SPATS2: variants seen among roughly 807,000 people sequenced by gnomAD.
SPATS2 encodes spermatogenesis-associated serine-rich protein 2.
A neutral mutation model predicts 63.7 loss-of-function variants in SPATS2; 38 were observed. The observed-to-expected ratio is 0.60, with a 90% CI of 0.46 to 0.78. The LOEUF (loss-of-function observed/expected upper bound fraction) is 0.78. Ranked by LOEUF, SPATS2 falls within the 30% of genes least tolerant of loss-of-function variation. The pLI, the probability that SPATS2 is intolerant of heterozygous loss-of-function variation, is 0.00. For synonymous variants in SPATS2, 207 were observed against 232.9 expected (o/e 0.89, Z 1.01); for missense variants, 588 against 666.2 (o/e 0.88, Z 1.29).
intron 2 of SPATS2, among the ~76,000 whole-genome samples, chr12:49,454,880 TAA>T (rs34249831): frequency 1.7e-4 from 22 of 129,578 alleles, no homozygotes; most frequent in East Asian, 2.2e-4. Context: ...GCTCTGTCTT[TAA>T]AAAAAAAAAA....
intron 2 of SPATS2, among the ~76,000 whole-genome samples, chr12:49,394,941 C>CAG (rs1944483153): frequency 6.6e-6 from 1 of 151,790 alleles, no homozygotes; most frequent in African/African-American, 2.4e-5. Context: ...GGCTTGGTGG[C>CAG]AGAGGCCTGT....
chr12:49,525,819 T>C (rs1164489679), intron 13 of SPATS2, 125 bp from the exon 14 acceptor site: 1 of 1,054,874 alleles, frequency 9.5e-7, no homozygotes, highest in Non-Finnish European at 1.4e-6. Flanking sequence ...TCTTTGAGTC[T>C]TGAGAGATAA....
rs532975346 is a variant in SPATS2 at position 49,437,462 on chromosome 12, G to A, written c.-243-23308G>A. 5.3e-4 allele frequency among the ~76,000 whole-genome samples: 81 copies of A among 152,210 alleles called. 1 individual carries two copies. Among genetic ancestry groups the A allele is most frequent in the Non-Finnish European group, 7.3e-5 (5 of 68,036 alleles). On this transcript the variant is annotated intron_variant, in intron 2 of 13. Coordinates refer to ENST00000552918, the MANE Select transcript of SPATS2 (RefSeq NM_023071.4). The stretch of plus-strand genomic sequence containing the variant: ...CAGAGGCTGCAATCTCAGCACTTTG[G>A]GGGGCCAAGGCAGGCAGCTGGGAGG...
intron 2 of SPATS2, among the ~76,000 whole-genome samples, chr12:49,378,634 C>T (rs983990226): frequency 4.6e-5 from 7 of 150,740 alleles, no homozygotes; most frequent in Non-Finnish European, 8.9e-5. Flanking sequence ...CTAGCCCTGT[C>T]GCCTAGGCTA....
intron 2 of SPATS2, among the ~76,000 whole-genome samples, chr12:49,442,834 A>G (rs1945446517): frequency 6.8e-6 from 1 of 146,470 alleles, no homozygotes; most frequent in Admixed American, 7.2e-5. Context: ...TACATTCACC[A>G]TTATCACCAT....
chr12:49,493,666 G>T (rs917463163), intron 6 of SPATS2, among the ~76,000 whole-genome samples: 6 of 152,066 alleles, frequency 3.9e-5, no homozygotes, highest in Non-Finnish European at 8.8e-5. Flanking sequence ...GCCTCCCAAA[G>T]TGTTGGGATT....
chr12:49,392,227 T>C (rs1944429549), intron 2 of SPATS2, among the ~76,000 whole-genome samples: 1 of 152,102 alleles, frequency 6.6e-6, no homozygotes, highest in South Asian at 2.1e-4. Flanking sequence ...AGTGACACTT[T>C]TCCATCCTAT....
At chr12:49,469,112 T>C (rs560330216) in intron 3 of SPATS2, among the ~76,000 whole-genome samples, 10 of 151,432 alleles carry the variant, frequency 6.6e-5, no homozygotes, top group African/African-American at 9.7e-5. Context: ...TAAAATAAAT[T>C]AATGGCCAGG....
intron 2 of SPATS2, among the ~76,000 whole-genome samples, chr12:49,405,222 A>C (rs567693666): frequency 6.6e-6 from 1 of 152,148 alleles, no homozygotes; most frequent in Non-Finnish European, 1.5e-5. Context: ...GATGCTTTAC[A>C]TATTTATATA....
chr12:49,384,286 T>G (rs554005062), intron 2 of SPATS2, among the ~76,000 whole-genome samples: 74 of 152,380 alleles, frequency 4.9e-4, no homozygotes, highest in African/African-American at 1.8e-3. Flanking sequence ...ATTAATCCTT[T>G]GTTAAATATG....
intron 3 of SPATS2, among the ~76,000 whole-genome samples, chr12:49,472,366 C>A (rs1405904849): frequency 6.6e-6 from 1 of 150,906 alleles, no homozygotes; most frequent in Non-Finnish European, 1.5e-5. Context: ...AATATACTAA[C>A]CAAAATTGAA....
intron 2 of SPATS2, among the ~76,000 whole-genome samples, chr12:49,394,923 T>A (rs1006136526): frequency 4.1e-5 from 6 of 146,878 alleles, no homozygotes; most frequent in Non-Finnish European, 6.0e-5. Flanking sequence ...AAAAAAAAAA[T>A]TTAGCTGGGC....
chr12:49,456,390 T>C (rs1382323309), intron 2 of SPATS2, among the ~76,000 whole-genome samples: 1 of 151,598 alleles, frequency 6.6e-6, no homozygotes, highest in Non-Finnish European at 1.5e-5. Flanking sequence ...ATATCTAGAG[T>C]GTAAAAGGGA....
intron 2 of SPATS2, among the ~76,000 whole-genome samples, chr12:49,394,680 T>C (rs1944477747): frequency 6.6e-6 from 1 of 152,186 alleles, no homozygotes; most frequent in South Asian, 2.1e-4. Context: ...TTTTCTGTAT[T>C]GACCTTGTAT....
intron 2 of SPATS2, among the ~76,000 whole-genome samples, chr12:49,389,290 G>C (rs1217521311): frequency 1.3e-5 from 2 of 152,170 alleles, no homozygotes; most frequent in African/African-American, 2.4e-5. Flanking sequence ...TGGCGGAGGC[G>C]GTTAGCAGAG....
intron 2 of SPATS2, among the ~76,000 whole-genome samples, chr12:49,398,523 G>A (rs1454593403): frequency 6.6e-6 from 1 of 152,130 alleles, no homozygotes; most frequent in Non-Finnish European, 1.5e-5. Context: ...GAGAATAAAG[G>A]GAAGAACGCA....
chr12:49,410,504 A>G (rs1432204968), intron 2 of SPATS2, among the ~76,000 whole-genome samples: 2 of 152,128 alleles, frequency 1.3e-5, no homozygotes, highest in Non-Finnish European at 2.9e-5. Flanking sequence ...CATCATACTT[A>G]CTATCTAATT....
At chr12:49,503,169 G>A (rs544904015) in intron 9 of SPATS2, among the ~76,000 whole-genome samples, 2 of 151,912 alleles carry the variant, frequency 1.3e-5, no homozygotes, top group East Asian at 1.9e-4. Context: ...GGCCAACATG[G>A]TGAAACCCCA....
intron 3 of SPATS2, among the ~76,000 whole-genome samples, chr12:49,475,058 G>A (rs1401182030): frequency 1.3e-5 from 2 of 152,130 alleles, no homozygotes; most frequent in Non-Finnish European, 2.9e-5. Flanking sequence ...ATCTCCCACC[G>A]GGTCTGTCCC....
Sources: gnomAD v4.1 joint callset for allele counts (sites outside exome capture counted in the v4.1 genomes callset) on GRCh38, gnomAD v4.1.1 for gene constraint, MANE v1.5 for transcripts, NCBI Gene and HGNC (gene_info 2026-07-23, HGNC 2026-07-21) for gene names.